FAAH2: variants seen among roughly 807,000 people sequenced by gnomAD.
FAAH2 encodes the protein fatty acid amide hydrolase 2, also known as fatty-acid amide hydrolase 2.
FAAH2 carries 60 observed loss-of-function variants against 36.9 expected under a neutral mutation model. The ratio of observed to expected loss-of-function variants is 1.63; its 90% CI spans 1.32 to 2.02. The LOEUF (loss-of-function observed/expected upper bound fraction) is 2.02, where lower values mean the gene tolerates loss of function less well. Among genes scored for constraint, FAAH2 ranks in the 30% most tolerant of loss-of-function variants. The pLI, the probability that FAAH2 is intolerant of heterozygous loss-of-function variation, is 0.00. For synonymous variants in FAAH2, 214 were observed against 143.8 expected (o/e 1.49, Z -3.49); for missense variants, 689 against 397.5 (o/e 1.73, Z -6.23).
At chrX:57,388,691 A>G (rs1209722636) in intron 7 of FAAH2, among the ~76,000 whole-genome samples, 1 of 111,197 alleles carries the variant, frequency 9.0e-6, no homozygotes, top group African/African-American at 3.3e-5. Flanking sequence ...ATGCCATGTA[A>G]CTATCATTAC....
chrX:57,202,274 T>C, the FAAH2 span, among the ~76,000 whole-genome samples: 2 of 112,125 alleles, frequency 1.8e-5, no homozygotes, highest in Non-Finnish European at 3.8e-5. Flanking sequence ...ATTGTTTTTG[T>C]CCTTCTTGGA....
chrX:57,125,884 TTAAC>T, the FAAH2 span, among the ~76,000 whole-genome samples: 1 of 112,210 alleles, frequency 8.9e-6, no homozygotes, highest in East Asian at 2.8e-4. Context: ...AAAAATGTGT[TTAAC>T]TATTTGTAAT....
the FAAH2 span, among the ~76,000 whole-genome samples, chrX:57,210,539 A>C: frequency 8.9e-6 from 1 of 112,412 alleles, no homozygotes; most frequent in East Asian, 2.8e-4. Flanking sequence ...AATGAAGTAA[A>C]ATTATTTGAC....
intron 10 of FAAH2, among the ~76,000 whole-genome samples, chrX:57,472,729 A>G (rs1389632751): frequency 9.2e-6 from 1 of 108,988 alleles, no homozygotes; most frequent in Non-Finnish European, 1.9e-5. Context: ...CAGGTTTTCT[A>G]TTTCTTGCTA....
intron 7 of FAAH2, among the ~76,000 whole-genome samples, chrX:57,401,640 T>C (rs985823168): frequency 8.1e-5 from 9 of 111,601 alleles, no homozygotes; most frequent in Non-Finnish European, 1.1e-4. Flanking sequence ...AACAATCTTT[T>C]GGAATCCTTG....
At chrX:57,377,638 G>A (rs888977360) in intron 5 of FAAH2, among the ~76,000 whole-genome samples, 1 of 111,637 alleles carries the variant, frequency 9.0e-6, no homozygotes, top group Non-Finnish European at 1.9e-5. Flanking sequence ...GGCTCATTTT[G>A]TTCCACATGA....
the FAAH2 span, among the ~76,000 whole-genome samples, chrX:57,216,565 CGT>C: frequency 0.015 from 309 of 20,510 alleles, 29 homozygotes; most frequent in Non-Finnish European, 0.026. Context: ...TATATATATA[CGT>C]ATATGTATAT....
chrX:57,409,141 T>A (rs1202413371), intron 7 of FAAH2, among the ~76,000 whole-genome samples: 4 of 111,545 alleles, frequency 3.6e-5, no homozygotes, highest in Non-Finnish European at 7.6e-5. Context: ...ATATAAATAA[T>A]ACTGGTATTA....
chrX:57,359,767 A>G (rs1469592), intron 5 of FAAH2, among the ~76,000 whole-genome samples: 59,633 of 109,803 alleles, frequency 0.54, 14,377 homozygotes, highest in Non-Finnish European at 0.75. Flanking sequence ...ATTTACCTCT[A>G]CCAGAGATCT....
At chrX:57,329,256 G>T (rs1224647289) in intron 3 of FAAH2, among the ~76,000 whole-genome samples, 2 of 111,883 alleles carry the variant, frequency 1.8e-5, no homozygotes, top group African/African-American at 6.5e-5. Context: ...TTGACAGTAT[G>T]ACTGGGGGCA....
At chrX:57,419,119 G>T (rs868513170) in intron 7 of FAAH2, among the ~76,000 whole-genome samples, 7 of 108,656 alleles carry the variant, frequency 6.4e-5, no homozygotes, top group Non-Finnish European at 1.1e-4. Flanking sequence ...GTCTATCATT[G>T]TTGGACATTT....
In FAAH2 at chrX:57,342,352, A is replaced by T. The variant is rs561075188; in HGVS notation, c.742+962A>T. Among the ~76,000 whole-genome samples, 47 of 111,339 alleles carry T rather than the reference A, an allele frequency of 4.2e-4. No individual in the cohort carries two copies. In the South Asian group the frequency reaches 0.018, roughly 42 times the overall value. Reference sequence around the variant, plus strand: ...GTGAGCACATAGAGGGGAACAACAAACACTGGGGACCTTTCAGAGGGCAGA... The same window carrying T: ...GTGAGCACATAGAGGGGAACAACAATCACTGGGGACCTTTCAGAGGGCAGA... On this transcript the variant is annotated intron_variant, in intron 5 of 10. Transcript: ENST00000374900.
chrX:57,411,809 C>G (rs1304379385), intron 7 of FAAH2, among the ~76,000 whole-genome samples: 1 of 111,880 alleles, frequency 8.9e-6, no homozygotes, highest in African/African-American at 3.2e-5. Flanking sequence ...AACTACTTCT[C>G]TTACCCTCTT....
chrX:57,265,301 G>C, the FAAH2 span, among the ~76,000 whole-genome samples: 1 of 111,619 alleles, frequency 9.0e-6, no homozygotes. Flanking sequence ...ATACCCCTAA[G>C]AAAGAAGTTG....
intron 3 of FAAH2, among the ~76,000 whole-genome samples, chrX:57,327,586 A>G (rs1304966084): frequency 9.0e-6 from 1 of 110,933 alleles, no homozygotes; most frequent in Non-Finnish European, 1.9e-5. Context: ...CATTTCATTC[A>G]TTTGATCTTC....
chrX:57,190,645 G>A, the FAAH2 span, among the ~76,000 whole-genome samples: 2 of 110,103 alleles, frequency 1.8e-5, no homozygotes, highest in African/African-American at 6.6e-5. Context: ...GCTGGGAAAG[G>A]GAAGCCCCTC....
the FAAH2 span, among the ~76,000 whole-genome samples, chrX:57,185,648 G>C: frequency 9.1e-6 from 1 of 110,054 alleles, no homozygotes; most frequent in Non-Finnish European, 1.9e-5. Flanking sequence ...CTATCAAACT[G>C]TCAACTAGGT....
At chrX:57,138,676 C>A in the FAAH2 span, among the ~76,000 whole-genome samples, 2 of 111,308 alleles carry the variant, frequency 1.8e-5, no homozygotes, top group South Asian at 7.5e-4. Flanking sequence ...TATATCCCCA[C>A]GAGCAATTTA....
intron 5 of FAAH2, among the ~76,000 whole-genome samples, chrX:57,361,506 G>T (rs1053557239): frequency 1.8e-5 from 2 of 111,088 alleles, no homozygotes; most frequent in Admixed American, 1.9e-4. Context: ...TTTCTGTCAA[G>T]AAATTAAGAT....
Sources: gnomAD v4.1 joint callset for allele counts (sites outside exome capture counted in the v4.1 genomes callset) on GRCh38, gnomAD v4.1.1 for gene constraint, MANE v1.5 for transcripts, NCBI Gene and HGNC (gene_info 2026-07-23, HGNC 2026-07-21) for gene names.